The following RPN2 variants were observed in gnomAD, a reference collection of about 807,000 sequenced individuals.
RPN2 encodes the protein ribophorin II.
RPN2 carries 29 observed loss-of-function variants against 71.4 expected under a neutral mutation model. The ratio of observed to expected loss-of-function variants is 0.41; its 90% CI spans 0.30 to 0.55. The LOEUF (loss-of-function observed/expected upper bound fraction) is 0.55. Among genes scored for constraint, RPN2 ranks in the 20% least tolerant of loss-of-function variants. The probability of loss-of-function intolerance (pLI) is 0.35; values close to 1 mark genes in which losing one functional copy is unlikely to be tolerated. For missense variants in RPN2, 726 were observed against 774.1 expected (o/e 0.94, Z 0.74); for synonymous variants, 308 against 305.0 (o/e 1.01, Z -0.10).
intron 16 of RPN2, among the ~76,000 whole-genome samples, chr20:37,240,302 T>C (rs2068519259): frequency 1.3e-5 from 2 of 152,242 alleles, no homozygotes; most frequent in Admixed American, 1.3e-4. Context: ...TTCATACTCA[T>C]GCCATCCTTT....
chr20:37,182,977 A>T lies in RPN2; in HGVS notation c.14-1203A>T, dbSNP rs776360277. Among the ~76,000 whole-genome samples the T allele has an allele frequency of 3.9e-5, 6 of 152,192 alleles. No individual in the cohort carries two copies. The South Asian group carries it at 1.2e-3, about 32-fold the overall frequency. The stretch of plus-strand genomic sequence containing the variant: ...TTTATTCAGCAAATATTTATTCAGT[A>T]ACTATGTGCCAGGCAGTGTGCAAGA... On this transcript the variant is annotated intron_variant, in intron 1 of 16. Coordinates refer to ENST00000237530, the MANE Select transcript of RPN2 (RefSeq NM_002951.5).
intron 9 of RPN2, among the ~76,000 whole-genome samples, chr20:37,217,362 G>A (rs1010287668): frequency 3.3e-5 from 5 of 151,410 alleles, no homozygotes; most frequent in African/African-American, 9.7e-5. Flanking sequence ...GCGCAATCCC[G>A]GCTCACTGGA....
chr20:37,228,649 G>A lies in RPN2; in HGVS notation c.1399G>A (p.Glu467Lys). The A allele has an allele frequency of 1.2e-6, 2 of 1,614,194 alleles. No homozygotes were observed. The highest frequency in any genetic ancestry group is 1.7e-6 in the Non-Finnish European group (2 of 1,180,020). Residue 467 changes from glutamate to lysine, a missense_variant, in exon 12 of 17, where the codon GAA becomes AAA. Transcript: ENST00000237530. ...GTACAAGTTTGAACTGGATACCTCTGAAAGAAAGATTGAATTTGACTCTGC... is the reference window on the plus strand; with the variant it reads ...GTACAAGTTTGAACTGGATACCTCTAAAAGAAAGATTGAATTTGACTCTGC... ...NVYKFELDTSERKIEFDSASG... is the reference protein window; with the variant it reads ...NVYKFELDTSKRKIEFDSASG...
chr20:37,197,883 T>C (rs1213320292), intron 2 of RPN2, among the ~76,000 whole-genome samples: 1 of 152,212 alleles, frequency 6.6e-6, no homozygotes, highest in Admixed American at 6.5e-5. Flanking sequence ...TGTGAGCCAC[T>C]GCACCCAGCG....
chr20:37,237,871 C>G (rs1376799649), intron 16 of RPN2, among the ~76,000 whole-genome samples: 1 of 152,172 alleles, frequency 6.6e-6, no homozygotes, highest in African/African-American at 2.4e-5. Flanking sequence ...GCTAAGTTCT[C>G]TCTTTTCTGG....
Position 37,198,595 on chromosome 20 carries a change from A to G in RPN2, c.303+103A>G, listed in dbSNP as rs530880991. ...ATCCTTTTTTTAATTATGAGAGTCC[A>G]TTATTGTGAGTGGGAATTCCATTCC... On this transcript the variant is annotated intron_variant, in intron 3 of 16. Coordinates refer to ENST00000237530, the MANE Select transcript of RPN2 (RefSeq NM_002951.5). 4.5e-5 allele frequency: 70 copies of G among 1,545,608 alleles called. 1 individual carries two copies. The African/African-American group carries it at 8.1e-4, about 18-fold the overall frequency.
chr20:37,232,684 G>GT (rs1347353220), intron 14 of RPN2, among the ~76,000 whole-genome samples: 1 of 152,160 alleles, frequency 6.6e-6, no homozygotes, highest in East Asian at 1.9e-4. Flanking sequence ...ATGAGATCTA[G>GT]TGTGAACAGA....
intron 9 of RPN2, among the ~76,000 whole-genome samples, chr20:37,218,911 T>C (rs2067884926): frequency 6.6e-6 from 1 of 152,260 alleles, no homozygotes; most frequent in Non-Finnish European, 1.5e-5. Flanking sequence ...ACATTTTGTT[T>C]ACCGACTTAT....
At chr20:37,184,152 G>C in intron 1 of RPN2, 28 bp from the exon 2 acceptor site, 1 of 1,613,450 alleles carries the variant, frequency 6.2e-7, no homozygotes, top group Non-Finnish European at 8.5e-7. Flanking sequence ...AGAGTGTAGA[G>C]TGTACTGAAT....
intron 2 of RPN2, among the ~76,000 whole-genome samples, chr20:37,192,976 A>G (rs2067177785): frequency 6.6e-6 from 1 of 152,140 alleles, no homozygotes; most frequent in African/African-American, 2.4e-5. Flanking sequence ...AAAGTAAAAA[A>G]AAATTATCTG....
Position 37,206,371 on chromosome 20 carries a change from T to A in RPN2, c.691-902T>A, listed in dbSNP as rs1488149841. On this transcript the variant is annotated intron_variant, in intron 6 of 16. Transcript: ENST00000237530. ...CAAGTAGGTTGGGAGGAAAGGTAGC[T>A]TAGCTGGGAGGATAATGAGAATCAG... 3.3e-5 allele frequency among the ~76,000 whole-genome samples: 5 copies of A among 152,192 alleles called. No individual in the cohort carries two copies. In the South Asian group the frequency reaches 6.2e-4, roughly 19 times the overall value.
At chr20:37,225,503 A>G (rs1275992634) in intron 10 of RPN2, among the ~76,000 whole-genome samples, 185 bp from the exon 11 acceptor site, 1 of 152,210 alleles carries the variant, frequency 6.6e-6, no homozygotes, top group African/African-American at 2.4e-5. Context: ...CACTTTTCTC[A>G]GTCCAGGCTT....
chr20:37,214,718 G>A (rs2067764016), intron 9 of RPN2, among the ~76,000 whole-genome samples: 1 of 152,104 alleles, frequency 6.6e-6, no homozygotes, highest in African/African-American at 2.4e-5. Flanking sequence ...GTAATGCTCT[G>A]CCCTACTCAG....
chr20:37,236,510 C>A, intron 15 of RPN2, 70 bp from the exon 16 acceptor site: 1 of 1,554,422 alleles, frequency 6.4e-7, no homozygotes, highest in Non-Finnish European at 8.8e-7. Flanking sequence ...GTTGCTATGT[C>A]TAACTTTCCT....
rs186677197 is a variant in RPN2, at chr20:37,207,178, C to A, written c.691-95C>A. 10 of 992,576 alleles carry A rather than the reference C, an allele frequency of 1.0e-5. No individual in the cohort carries two copies. In the East Asian group the frequency reaches 2.1e-4, roughly 21 times the overall value. 61.5% of individuals were successfully genotyped at this position (992,576 alleles called of 1,614,324 possible). A position where few individuals can be genotyped will look rare whatever the true frequency, so the allele number is the denominator to read the frequency against. On this transcript the variant is annotated intron_variant, in intron 6 of 16. Coordinates refer to ENST00000237530, the MANE Select transcript of RPN2 (RefSeq NM_002951.5). ...GACCAAAAGACCTCCCATGTGAACA[C>A]CCGAAACAGATAAGGGTGACTTTCC...
At chr20:37,188,846 CT>C (rs1313144628) in intron 2 of RPN2, among the ~76,000 whole-genome samples, 1 of 151,364 alleles carries the variant, frequency 6.6e-6, no homozygotes, top group Non-Finnish European at 1.5e-5. Flanking sequence ...TTGTCTCAAA[CT>C]CCTCGGGTCA....
At chr20:37,229,787 G>C in intron 12 of RPN2, 186 bp from the exon 13 acceptor site, 1 of 641,794 alleles carries the variant, frequency 1.6e-6, no homozygotes, top group Non-Finnish European at 2.8e-6. Context: ...AGCATTTTCA[G>C]CAAATACTTG....
At chr20:37,207,725 AG>A (rs1277868652) in intron 7 of RPN2, among the ~76,000 whole-genome samples, 1 of 152,144 alleles carries the variant, frequency 6.6e-6, no homozygotes. Flanking sequence ...TCTGTCACCC[AG>A]GCTGGAAAGC....
At chr20:37,196,225 T>G (rs1426693693) in intron 2 of RPN2, among the ~76,000 whole-genome samples, 1 of 135,136 alleles carries the variant, frequency 7.4e-6, no homozygotes, top group Non-Finnish European at 1.6e-5. Flanking sequence ...GTGCCTAGTC[T>G]CCCCCCCACC....
Sources: gnomAD v4.1 joint callset for allele counts (sites outside exome capture counted in the v4.1 genomes callset) on GRCh38, gnomAD v4.1.1 for gene constraint, MANE v1.5 for transcripts, NCBI Gene and HGNC (gene_info 2026-07-23, HGNC 2026-07-21) for gene names.